SPTLC2: variants seen among roughly 807,000 people sequenced by gnomAD.
SPTLC2 encodes the protein serine palmitoyltransferase long chain base subunit 2.
In SPTLC2, 21 loss-of-function variants were observed where a neutral mutation model predicts 62.0. The observed-to-expected ratio is 0.34, with a 90% CI of 0.24 to 0.49. SPTLC2 has a LOEUF of 0.49. Among genes scored for constraint, SPTLC2 ranks in the 20% least tolerant of loss-of-function variants. SPTLC2 has a pLI of 0.99. For missense variants in SPTLC2, 511 were observed against 713.0 expected (o/e 0.72, Z 3.23); for synonymous variants, 261 against 261.8 (o/e 1.00, Z 0.03).
At chr14:77,600,893 C>T (rs1375695071) in intron 1 of SPTLC2, among the ~76,000 whole-genome samples, 9 of 152,186 alleles carry the variant, frequency 5.9e-5, no homozygotes, top group Non-Finnish European at 1.3e-4. Flanking sequence ...ATTTTGTCCA[C>T]ATGCCTGTGG....
chr14:77,515,988 C>CTG (rs142493170), intron 11 of SPTLC2, among the ~76,000 whole-genome samples: 7,562 of 151,146 alleles, frequency 0.05, 628 homozygotes, highest in African/African-American at 0.17. Context: ...TGAGCTCTAG[C>CTG]TGTGTGTGTG....
At chr14:77,575,589 T>C (rs2079710844) in intron 4 of SPTLC2, among the ~76,000 whole-genome samples, 3 of 152,202 alleles carry the variant, frequency 2.0e-5, no homozygotes, top group African/African-American at 7.2e-5. Context: ...TAGGGTGCAG[T>C]AGCACGATCA....
intron 10 of SPTLC2, 85 bp from the exon 11 acceptor site, chr14:77,518,252 CT>C: frequency 1.3e-6 from 2 of 1,586,138 alleles, no homozygotes; most frequent in African/African-American, 1.3e-5. Flanking sequence ...AAGATTTCAA[CT>C]CTTTGGTGAT....
chr14:77,543,648 A>C (rs538435528), intron 9 of SPTLC2, among the ~76,000 whole-genome samples: 19 of 152,252 alleles, frequency 1.2e-4, no homozygotes, highest in African/African-American at 3.4e-4. Flanking sequence ...AGCCCCCCCC[A>C]AAAAAAGTAA....
At position 77,506,363 on chromosome 14, in the gene SPTLC2, CAG is replaced by C. The variant is rs1471172632; in HGVS notation, c.*5919_*5920del. 6.6e-6 allele frequency: 1 copy of C among 152,180 alleles called. No homozygotes were observed. The highest frequency in any genetic ancestry group is 1.5e-5 in the Non-Finnish European group (1 of 68,034). 9.4% of individuals were successfully genotyped at this position (152,180 alleles called of 1,614,324 possible). ...AATTCCAGTTTACAGGTAACTTGGT[CAG>C]GGGAAAAATATGGGTCAACGAAGTA... On this transcript the variant is annotated 3_prime_UTR_variant, in exon 12 of 12. Transcript: ENST00000216484.
At chr14:77,615,635 G>A (rs1387948688) in intron 1 of SPTLC2, among the ~76,000 whole-genome samples, 1 of 152,190 alleles carries the variant, frequency 6.6e-6, no homozygotes, top group Non-Finnish European at 1.5e-5. Context: ...CCACTGTAAG[G>A]TTGATAATAA....
chr14:77,608,018 C>G (rs1268666151), intron 1 of SPTLC2, among the ~76,000 whole-genome samples: 12 of 152,202 alleles, frequency 7.9e-5, no homozygotes, highest in Non-Finnish European at 1.5e-5. Flanking sequence ...TTCCTTGTAG[C>G]ACCAACCGGC....
At chr14:77,615,423 C>T (rs937981659) in intron 1 of SPTLC2, among the ~76,000 whole-genome samples, 3 of 152,206 alleles carry the variant, frequency 2.0e-5, no homozygotes, top group East Asian at 3.9e-4. Flanking sequence ...GATCACCATC[C>T]TATCAAACTG....
chr14:77,535,392 A>C (rs1042749887), intron 9 of SPTLC2, among the ~76,000 whole-genome samples: 1 of 152,200 alleles, frequency 6.6e-6, no homozygotes, highest in African/African-American at 2.4e-5. Context: ...CGGGATGAGA[A>C]GGCCTTTGGG....
At chr14:77,569,850 A>ATTTT (rs1206640304) in intron 5 of SPTLC2, among the ~76,000 whole-genome samples, 12 of 32,276 alleles carry the variant, frequency 3.7e-4, no homozygotes, top group Non-Finnish European at 6.5e-4. Context: ...AATATTATAT[A>ATTTT]TATGTATATA....
chr14:77,606,789 C>A (rs1262615880), intron 1 of SPTLC2, among the ~76,000 whole-genome samples: 2 of 152,146 alleles, frequency 1.3e-5, no homozygotes, highest in Admixed American at 6.5e-5. Flanking sequence ...GAGTTTAAAA[C>A]CAGCCTGGAC....
At chr14:77,523,219 A>T (rs1361205709) in intron 9 of SPTLC2, among the ~76,000 whole-genome samples, 1 of 152,254 alleles carries the variant, frequency 6.6e-6, no homozygotes, top group Non-Finnish European at 1.5e-5. Flanking sequence ...GCCATGGAGT[A>T]CTAGAGGCTG....
chr14:77,536,123 G>A (rs1426754648), intron 9 of SPTLC2: 1 of 361,692 alleles, frequency 2.8e-6, no homozygotes, highest in East Asian at 7.6e-5. Context: ...CCTAGATTTT[G>A]AAATGCAGTA....
chr14:77,602,542 T>A (rs1258313393), intron 1 of SPTLC2, among the ~76,000 whole-genome samples: 1 of 141,414 alleles, frequency 7.1e-6, no homozygotes, highest in African/African-American at 2.6e-5. Flanking sequence ...TTGAAAAGGT[T>A]TGTTTCTTTT....
chr14:77,595,161 T>C (rs1331440375), intron 2 of SPTLC2, among the ~76,000 whole-genome samples: 1 of 152,002 alleles, frequency 6.6e-6, no homozygotes, highest in Non-Finnish European at 1.5e-5. Context: ...GTCAAGGAGT[T>C]TGAGAACAGC....
intron 1 of SPTLC2, among the ~76,000 whole-genome samples, chr14:77,602,083 C>T (rs2079880975): frequency 1.3e-5 from 2 of 148,948 alleles, no homozygotes; most frequent in Non-Finnish European, 3.0e-5. Flanking sequence ...CAACCCCCTT[C>T]TCCGTGTCTC....
intron 9 of SPTLC2, among the ~76,000 whole-genome samples, chr14:77,536,375 T>A (rs2079470510): frequency 6.6e-6 from 1 of 152,148 alleles, no homozygotes; most frequent in African/African-American, 2.4e-5. Flanking sequence ...TGGTTTTTTT[T>A]TTCTCTTTAT....
chr14:77,614,990 A>G (rs1255700479), intron 1 of SPTLC2, among the ~76,000 whole-genome samples: 1 of 151,966 alleles, frequency 6.6e-6, no homozygotes, highest in African/African-American at 2.4e-5. Context: ...ACAAAAACAA[A>G]AACAAAAAAA....
intron 9 of SPTLC2, among the ~76,000 whole-genome samples, chr14:77,536,831 G>C (rs1440818843): frequency 6.6e-6 from 1 of 152,034 alleles, no homozygotes; most frequent in Non-Finnish European, 1.5e-5. Context: ...CTGCAGTTTA[G>C]GTGAAAATCA....
Sources: allele counts gnomAD v4.1 joint callset (sites outside exome capture counted in the v4.1 genomes callset), GRCh38; gene constraint gnomAD v4.1.1; transcripts MANE v1.5; gene names NCBI Gene and HGNC (gene_info 2026-07-23, HGNC 2026-07-21).